Variants in DEFB114 observed in about 807,000 individuals in gnomAD.
DEFB114 encodes the protein defensin beta 114, also known as beta-defensin 114.
In DEFB114, 4 loss-of-function variants were observed where a neutral mutation model predicts 2.4. The ratio of observed to expected loss-of-function variants is 1.67; its 90% confidence interval spans 0.82 to 3.82. DEFB114 has a LOEUF of 3.82. Among genes scored for constraint, DEFB114 ranks in the 30% most tolerant of loss-of-function variants. DEFB114 has a pLI of 0.01. For synonymous variants in DEFB114, 35 were observed against 24.6 expected, an observed-to-expected ratio of 1.42 and a Z score of -1.26; for missense variants, 113 against 85.8, an observed-to-expected ratio of 1.32 and a Z score of -1.25.
chr6:49,962,298 T>A (rs1773475842), intron 1 of DEFB114, among the ~76,000 whole-genome samples: 1 of 150,522 alleles, frequency 6.6e-6, no homozygotes, highest in African/African-American at 2.4e-5. Flanking sequence ...AGACACCTCA[T>A]ATATCTTAAC....
Position 49,960,374 on chromosome 6 carries a change from C to G in DEFB114, c.128G>C (p.Ser43Thr). 1 of 1,608,736 alleles carries G rather than the reference C, an allele frequency of 6.2e-7. No homozygotes were observed. Among genetic ancestry groups the G allele is most frequent in the Non-Finnish European group, 8.5e-7 (1 of 1,176,752 alleles). Residue 43 changes from serine (S) to threonine (T), a missense_variant, in exon 2 of 2, where the codon AGT (serine) becomes ACT (threonine). By Grantham distance (58) the Ser-to-Thr change is moderately conservative. Transcript: ENST00000322066. ...YGRCKRDCLE[S>T]EKQIDICSLP... Reference sequence around the variant, plus strand: ...GGAACATATGTCTATTTGCTTTTCACTCTCAAGACAGTCTCTTTTACAACG... The same window carrying G: ...GGAACATATGTCTATTTGCTTTTCAGTCTCAAGACAGTCTCTTTTACAACG...
At chr6:49,960,592 A>T (rs1013993228) in intron 1 of DEFB114, 146 bp from the exon 2 acceptor site, 7 of 663,000 alleles carry the variant, frequency 1.1e-5, no homozygotes, top group Non-Finnish European at 1.6e-5. Flanking sequence ...TACCCCATGT[A>T]TATATAACTA....
chr6:49,960,352 A>C lies in DEFB114; in HGVS notation c.150T>G (p.Cys50Trp). The C allele has an allele frequency of 1.9e-6, 3 of 1,608,326 alleles. No homozygotes were observed. Among genetic ancestry groups the C allele is most frequent in the South Asian group, 2.2e-5 (2 of 90,794 alleles). Residue 50 changes from cysteine to tryptophan, a missense_variant, in exon 2 of 2, where the codon TGT becomes TGG. Cys to Trp is a radical substitution (Grantham distance 215, BLOSUM62 -2). Coordinates refer to ENST00000322066, the MANE Select transcript of DEFB114 (RefSeq NM_001037499.2). Reference protein sequence around the residue: ...CLESEKQIDICSLPRKICCTE... With the variant: ...CLESEKQIDIWSLPRKICCTE... Reference sequence around the variant, plus strand: ...TGCAGCAAATTTTTCTTGGTAAGGAACATATGTCTATTTGCTTTTCACTCT... The same window carrying C: ...TGCAGCAAATTTTTCTTGGTAAGGACCATATGTCTATTTGCTTTTCACTCT...
rs1438502126 is a variant in DEFB114 at position 49,960,446 on chromosome 6, G to T, written c.56C>A (p.Ala19Asp). 4.4e-6 allele frequency: 7 copies of T among 1,580,384 alleles called. No individual in the cohort carries two copies. Among genetic ancestry groups the T allele is most frequent in the Non-Finnish European group, 4.3e-6 (5 of 1,167,458 alleles). ...ATCAGCATTCACCAAGGTACATGTGGCTACGGTAAAAGAAGAGTAACAGAA... is the reference window on the plus strand; with the variant it reads ...ATCAGCATTCACCAAGGTACATGTGTCTACGGTAAAAGAAGAGTAACAGAA... ...FLCYVTFILP[A>D]TCTLVNADRC... The change falls in exon 2 of 2, where the codon GCC becomes GAC. Residue 19 changes from alanine to aspartate, a missense_variant and splice_region_variant. Coordinates refer to ENST00000322066, the MANE Select transcript of DEFB114 (RefSeq NM_001037499.2).
At chr6:49,961,481 A>G (rs1211686637) in intron 1 of DEFB114, among the ~76,000 whole-genome samples, 1 of 150,786 alleles carries the variant, frequency 6.6e-6, no homozygotes, top group Non-Finnish European at 1.5e-5. Context: ...GTTATATGCT[A>G]AACTCACAAA....
Position 49,962,365 on chromosome 6 carries a change from A to G in DEFB114, c.55+1686T>C, listed in dbSNP as rs531170283. Among the ~76,000 whole-genome samples the G allele has an allele frequency of 2.7e-5, 4 of 150,582 alleles. No homozygotes were observed. The East Asian group carries it at 7.8e-4, about 29-fold the overall frequency. On this transcript the variant is annotated intron_variant, in intron 1 of 1. Coordinates refer to ENST00000322066, the MANE Select transcript of DEFB114 (RefSeq NM_001037499.2). ...TTTCTGATTACTGAAAAAGGGTAAC[A>G]TATTTTCTTATGTTTACTGACCTAA... is the stretch of plus-strand genomic sequence containing the variant.
intron 1 of DEFB114, among the ~76,000 whole-genome samples, chr6:49,960,680 T>C (rs1329941230): frequency 6.6e-6 from 1 of 150,934 alleles, no homozygotes; most frequent in Non-Finnish European, 1.5e-5. Flanking sequence ...AATTAATATA[T>C]GATTAAAAAC....
rs761389572 is a variant in DEFB114, at chr6:49,964,157, G to C, written c.-52C>G. On this transcript the variant is annotated 5_prime_UTR_variant, in exon 1 of 2. Transcript: ENST00000322066. ...TTGATAACAGAATATAGAGACTATA[G>C]AACTTTCCAAAACCCAAAAGACGTT... The C allele has an allele frequency of 4.5e-6, 6 of 1,336,016 alleles. No individual in the cohort carries two copies. In the East Asian group the frequency reaches 1.4e-4, roughly 32 times the overall value. The allele number at this position is 1,336,016 out of a possible 1,614,324, so 82.8% of individuals were successfully genotyped here. A position where few individuals can be genotyped will look rare whatever the true frequency, so the allele number is the denominator to read the frequency against.
At chr6:49,963,620 T>C (rs1773496372) in intron 1 of DEFB114, among the ~76,000 whole-genome samples, 1 of 149,998 alleles carries the variant, frequency 6.7e-6, no homozygotes, top group Admixed American at 6.7e-5. Context: ...GTTCAAAATA[T>C]TTTCTAATAT....
chr6:49,961,968 T>C lies in DEFB114; in HGVS notation c.56-1522A>G, dbSNP rs370289500. Among the ~76,000 whole-genome samples, 4 of 150,944 alleles carry C rather than the reference T, an allele frequency of 2.6e-5. No individual in the cohort carries two copies. In the East Asian group the frequency reaches 7.8e-4, roughly 29 times the overall value. ...ATAACTATAATTCTTCCATGTTCAT[T>C]ATCATATAGTGGACTGTTACATACA... On this transcript the variant is annotated intron_variant, in intron 1 of 1. Coordinates refer to ENST00000322066, the MANE Select transcript of DEFB114 (RefSeq NM_001037499.2).
rs73737274 is a variant in DEFB114 at position 49,961,800 on chromosome 6, A to T, written c.56-1354T>A. On this transcript the variant is annotated intron_variant, in intron 1 of 1. Coordinates refer to ENST00000322066, the MANE Select transcript of DEFB114 (RefSeq NM_001037499.2). ...TACTATTCCTTTCACTCTTTCAGTT[A>T]AAAAAAAATTGTCTTGATTTATATT... 2.5e-3 allele frequency among the ~76,000 whole-genome samples: 374 copies of T among 149,814 alleles called. 1 individual carries two copies. Among genetic ancestry groups the T allele is most frequent in the African/African-American group, 8.9e-3 (363 of 40,944 alleles).
At chr6:49,960,568 C>A in intron 1 of DEFB114, 122 bp from the exon 2 acceptor site, 1 of 1,007,748 alleles carries the variant, frequency 9.9e-7, no homozygotes. Context: ...AAAAATAAAT[C>A]CATGTATATC....
rs1190789679 is a variant in DEFB114, at chr6:49,964,134, G to A, written c.-29C>T. 8 of 1,518,712 alleles carry A rather than the reference G, an allele frequency of 5.3e-6. No homozygotes were observed. Among genetic ancestry groups the A allele is most frequent in the Non-Finnish European group, 6.3e-6 (7 of 1,109,348 alleles). The allele number at this position is 1,518,712 out of a possible 1,614,324, so 94.1% of individuals were successfully genotyped here. ...GTAGAAAGAAGTTGTTGAAAGACTTGATAACAGAATATAGAGACTATAGAA... is the reference window on the plus strand; with the variant it reads ...GTAGAAAGAAGTTGTTGAAAGACTTAATAACAGAATATAGAGACTATAGAA... On this transcript the variant is annotated 5_prime_UTR_variant, in exon 1 of 2. Coordinates refer to ENST00000322066, the MANE Select transcript of DEFB114 (RefSeq NM_001037499.2).
At chr6:49,962,776 T>C (rs1773483679) in intron 1 of DEFB114, among the ~76,000 whole-genome samples, 1 of 150,384 alleles carries the variant, frequency 6.6e-6, no homozygotes, top group Non-Finnish European at 1.5e-5. Context: ...CTTCATTTTT[T>C]CTTCATATGG....
chr6:49,964,085 G>T lies in DEFB114; in HGVS notation c.21C>A (p.Leu7=), dbSNP rs1484749077. 1.3e-6 allele frequency: 2 copies of T among 1,586,838 alleles called. No homozygotes were observed. Among genetic ancestry groups the T allele is most frequent in the East Asian group, 2.3e-5 (1 of 43,976 alleles). MRIFYY[L]HFLCYVTFIL... ...TGAAGGTCACATAACACAGAAAATG[G>T]AGATAGTAAAAGATCCTCATTCTGT... The change falls in exon 1 of 2, where the codon CTC becomes CTA. Residue 7 remains leucine, a synonymous_variant. Coordinates refer to ENST00000322066, the MANE Select transcript of DEFB114 (RefSeq NM_001037499.2).
In DEFB114 at chr6:49,964,078, GA is replaced by G; in HGVS notation, c.27del (p.Leu10CysfsTer4). On this transcript the variant is annotated frameshift_variant, in exon 1 of 2. Transcript: ENST00000322066. LOFTEE classifies it low-confidence loss of function (END_TRUNC). ...GGTAGAATGAAGGTCACATAACACAGAAAATGGAGATAGTAAAAGATCCTCA... is the reference window on the plus strand; with the variant it reads ...GGTAGAATGAAGGTCACATAACACAGAAATGGAGATAGTAAAAGATCCTCA... The part of the protein sequence containing the change: MRIFYYLH[F>X]LCYVTFILPA... 6.3e-7 allele frequency: 1 copy of G among 1,586,978 alleles called. No homozygotes were observed. The highest frequency in any genetic ancestry group is 8.6e-7 in the Non-Finnish European group (1 of 1,163,552).
At chr6:49,961,838 G>C (rs777469169) in intron 1 of DEFB114, among the ~76,000 whole-genome samples, 1 of 150,538 alleles carries the variant, frequency 6.6e-6, no homozygotes, top group Admixed American at 6.6e-5. Context: ...GTTTAAGCCT[G>C]CTCATTTTAA....
intron 1 of DEFB114, among the ~76,000 whole-genome samples, chr6:49,962,809 T>C (rs1340199253): frequency 1.3e-5 from 2 of 150,320 alleles, no homozygotes; most frequent in Admixed American, 6.6e-5. Flanking sequence ...ACCAGCCCTA[T>C]TTATTGAAAA....
chr6:49,964,101 C>A lies in DEFB114; in HGVS notation c.5G>T (p.Arg2Met). The change falls in exon 1 of 2, where the codon AGG becomes ATG. Residue 2 changes from arginine to methionine, a missense_variant. By Grantham distance (91) the Arg-to-Met change is moderately conservative. Transcript: ENST00000322066. M[R>M]IFYYLHFLCY... is the part of the protein sequence containing the mutation. Reference sequence around the variant, plus strand: ...CAGAAAATGGAGATAGTAAAAGATCCTCATTCTGTAGAAAGAAGTTGTTGA... The same window carrying A: ...CAGAAAATGGAGATAGTAAAAGATCATCATTCTGTAGAAAGAAGTTGTTGA... 1 of 1,582,626 alleles carries A rather than the reference C, an allele frequency of 6.3e-7. No homozygotes were observed. Among genetic ancestry groups the A allele is most frequent in the Non-Finnish European group, 8.6e-7 (1 of 1,161,030 alleles).
Sources: allele counts gnomAD v4.1 joint callset (sites outside exome capture counted in the v4.1 genomes callset), GRCh38; gene constraint gnomAD v4.1.1; transcripts MANE v1.5; gene names NCBI Gene and HGNC (gene_info 2026-07-23, HGNC 2026-07-21).